Variants in C4orf50 observed in about 807,000 individuals in gnomAD.
C4orf50 encodes the protein chromosome 4 open reading frame 50, also known as uncharacterized protein C4orf50.
Under a neutral mutation model 77.2 loss-of-function variants are expected in C4orf50, and 80 were observed. The ratio of observed to expected loss-of-function variants is 1.04; its 90% CI spans 0.87 to 1.25. The LOEUF is 1.25. C4orf50 is among the 50% of genes most tolerant of loss of function. The pLI is 0.00. For synonymous variants in C4orf50, 532 were observed against 465.3 expected, an observed-to-expected ratio of 1.14 and a Z score of -1.84; for missense variants, 1,257 against 1,152.9, an observed-to-expected ratio of 1.09 and a Z score of -1.31.
At chr4:5,914,197 T>C (rs1716931341) in intron 7 of C4orf50, among the ~76,000 whole-genome samples, 2 of 141,534 alleles carry the variant, frequency 1.4e-5, no homozygotes. Context: ...GTTTTTGTTT[T>C]TATGGGTGTT....
chr4:5,978,728 A>G (rs1314184713), intron 29 of C4orf50, among the ~76,000 whole-genome samples: 1 of 152,242 alleles, frequency 6.6e-6, no homozygotes, highest in African/African-American at 2.4e-5. Flanking sequence ...CTTTGGAGCC[A>G]GTAGTCCCAG....
intron 28 of C4orf50, among the ~76,000 whole-genome samples, chr4:5,983,603 T>C (rs1239192925): frequency 6.6e-6 from 1 of 152,210 alleles, no homozygotes; most frequent in Non-Finnish European, 1.5e-5. Context: ...CAAGTAATGC[T>C]TTGCAGGCAT....
At position 5,989,793 on chromosome 4, in the gene C4orf50, G is replaced by T. The variant is rs1035488116; in HGVS notation, c.2253C>A (p.Ser751=). The change falls in exon 28 of 34, where the codon TCC becomes TCA. Residue 751 remains serine, a synonymous_variant. Coordinates refer to ENST00000531445, the Ensembl canonical transcript of C4orf50. Reference sequence around the variant, plus strand: ...GCATTTCCTTGCTCTCATGTTCCTGGGAGTCAGGCTCCTCGGGGGCACCCC... The same window carrying T: ...GCATTTCCTTGCTCTCATGTTCCTGTGAGTCAGGCTCCTCGGGGGCACCCC... 5.9e-6 allele frequency: 9 copies of T among 1,515,950 alleles called. No homozygotes were observed. The African/African-American group carries it at 1.1e-4, about 19-fold the overall frequency. 93.9% of individuals were successfully genotyped at this position (1,515,950 alleles called of 1,614,324 possible).
chr4:5,959,755 G>A, intron 33 of C4orf50, 129 bp from the exon 12 acceptor site: 2 of 1,115,038 alleles, frequency 1.8e-6, no homozygotes, highest in Non-Finnish European at 2.5e-6. Context: ...TCTGTGCCTG[G>A]CACCAAATAC....
At chr4:5,993,688 G>A (rs1416931963) in intron 26 of C4orf50, among the ~76,000 whole-genome samples, 1 of 151,960 alleles carries the variant, frequency 6.6e-6, no homozygotes, top group African/African-American at 2.4e-5. Flanking sequence ...ATGGTGGTGG[G>A]AGCCTGTAAT....
intron 25 of C4orf50, among the ~76,000 whole-genome samples, chr4:6,004,089 ATGATGG>A (rs1722044052): frequency 4.3e-5 from 1 of 23,014 alleles, no homozygotes; most frequent in Non-Finnish European, 9.2e-5. Context: ...TGTGATAGTG[ATGATGG>A]TGATGATGGT....
In C4orf50 at chr4:5,949,141, C is replaced by A. The variant is rs538598066; in HGVS notation, c.*2474+7760G>T. On this transcript the variant is annotated intron_variant, in intron 7 of 7. Transcript: ENST00000324058. ...AGCAGAGGGGAGAGCACAGCAAACA[C>A]CACAGCAGGGACACAGCAGCAAGAC... Among the ~76,000 whole-genome samples, 5 of 152,238 alleles carry A rather than the reference C, an allele frequency of 3.3e-5. No homozygotes were observed. The South Asian group carries it at 1.0e-3, about 32-fold the overall frequency.
chr4:5,946,102 A>T (rs1424354618), intron 7 of C4orf50, among the ~76,000 whole-genome samples: 2 of 152,170 alleles, frequency 1.3e-5, no homozygotes, highest in Admixed American at 1.3e-4. Flanking sequence ...CAGGAGCGGC[A>T]GCGCCCTCTC....
intron 33 of C4orf50, among the ~76,000 whole-genome samples, chr4:5,960,550 G>T (rs1160358548): frequency 1.3e-5 from 2 of 152,220 alleles, no homozygotes; most frequent in East Asian, 3.9e-4. Context: ...CAGGGAATCG[G>T]CGATCACTAT....
chr4:5,988,814 T>C lies in C4orf50; in HGVS notation c.3232A>G (p.Ile1078Val), dbSNP rs75565139. Residue 1078 changes from isoleucine to valine, a missense_variant, in exon 28 of 34, where the codon ATA (isoleucine) becomes GTA (valine). Transcript: ENST00000531445. ...CTTAAGGCCCGGATCATGTCTTCTA[T>C]TCCTAGCACGATATCCTTTATCAGC... is the stretch of plus-strand genomic sequence containing the variant. 3.5e-3 allele frequency: 5,385 copies of C among 1,536,058 alleles called. 154 individuals are homozygous for C. The African/African-American group carries it at 0.065, about 18-fold the overall frequency.
intron 28 of C4orf50, among the ~76,000 whole-genome samples, chr4:5,984,867 CA>C (rs1720777162): frequency 6.8e-6 from 1 of 148,076 alleles, no homozygotes. Flanking sequence ...AAAAACCAAA[CA>C]AAAAAATTAA....
chr4:5,986,917 A>G (rs764582672), intron 28 of C4orf50, among the ~76,000 whole-genome samples: 5 of 152,174 alleles, frequency 3.3e-5, no homozygotes, highest in Admixed American at 2.6e-4. Flanking sequence ...TAGGCAGTAC[A>G]TATTCCTTAC....
At position 5,929,611 on chromosome 4, in the gene C4orf50, A is replaced by G. The variant is rs184510389; in HGVS notation, c.*2474+27290T>C. Among the ~76,000 whole-genome samples, 55 of 152,386 alleles carry G rather than the reference A, an allele frequency of 3.6e-4. No homozygotes were observed. In the East Asian group the frequency reaches 0.01, roughly 28 times the overall value. ...TACAATTTACTTCTTATAAGCAGAA[A>G]GAATAAAAGTGAGAAACTCCAGGAA... On this transcript the variant is annotated intron_variant, in intron 7 of 7. Coordinates refer to the C4orf50 transcript ENST00000324058.
At position 5,966,784 on chromosome 4, in the gene C4orf50, G is replaced by C. The variant is rs562895237; in HGVS notation, c.4153+630C>G. On this transcript the variant is annotated intron_variant, in intron 32 of 33. Transcript: ENST00000531445. Reference sequence around the variant, plus strand: ...CCTGCCTCAGCCTCCCGAGTAGCTGGGACTACAAGCATGCGCCACCATACC... The same window carrying C: ...CCTGCCTCAGCCTCCCGAGTAGCTGCGACTACAAGCATGCGCCACCATACC... 4.3e-3 allele frequency among the ~76,000 whole-genome samples: 648 copies of C among 151,864 alleles called. 2 individuals carry two copies. The highest frequency in any genetic ancestry group is 7.2e-3 in the Non-Finnish European group (488 of 67,924).
chr4:5,929,839 T>G (rs1213818302), intron 7 of C4orf50, among the ~76,000 whole-genome samples: 1 of 152,218 alleles, frequency 6.6e-6, no homozygotes, highest in Non-Finnish European at 1.5e-5. Context: ...TAAAGGGCAA[T>G]TAAGTGTTGA....
chr4:5,984,213 C>T (rs1254092703), intron 28 of C4orf50, among the ~76,000 whole-genome samples: 1 of 152,224 alleles, frequency 6.6e-6, no homozygotes, highest in Non-Finnish European at 1.5e-5. Flanking sequence ...ATAAAATTCA[C>T]TCAACATTCT....
chr4:5,979,098 TAGTG>T (rs1560578252), intron 29 of C4orf50, among the ~76,000 whole-genome samples: 3 of 152,230 alleles, frequency 2.0e-5, no homozygotes, highest in Admixed American at 2.0e-4. Flanking sequence ...TGTTTCTTCT[TAGTG>T]GGAGTATAAA....
At position 5,919,093 on chromosome 4, in the gene C4orf50, C is replaced by A. The variant is rs779414176; in HGVS notation, c.*2475-20905G>T. Among the ~76,000 whole-genome samples the A allele has an allele frequency of 6.6e-6, 1 of 152,146 alleles. No individual in the cohort carries two copies. ...CTCCTGGTTGGGACAGACGTGGCTC[C>A]CTCTTTCCCAGGTGGGACATTGCTA... On this transcript the variant is annotated intron_variant, in intron 7 of 7. Transcript: ENST00000324058. This position sits in a 1 kb window ranked among gnomAD's most constrained non-coding sequence, Gnocchi z 6.5.
chr4:5,962,930 G>A (rs1185332135), intron 33 of C4orf50, among the ~76,000 whole-genome samples: 2 of 151,926 alleles, frequency 1.3e-5, no homozygotes, highest in Non-Finnish European at 2.9e-5. Flanking sequence ...AATGCCTCAT[G>A]GACACTCATC....
Sources: gnomAD v4.1 joint callset for allele counts (sites outside exome capture counted in the v4.1 genomes callset) on GRCh38, gnomAD v4.1.1 for gene constraint, Gnocchi (gnomAD v3.1) non-coding constraint, MANE v1.5 for transcripts, NCBI Gene and HGNC (gene_info 2026-07-23, HGNC 2026-07-21) for gene names.